TRAM1: variants seen among roughly 807,000 people sequenced by gnomAD.
TRAM1 encodes translocating chain-associated membrane protein 1.
TRAM1 carries 17 observed loss-of-function variants against 48.7 expected under a neutral mutation model. That is an observed-to-expected ratio of 0.35 (90% CI 0.24 to 0.52). The LOEUF is 0.52. Ranked by LOEUF, TRAM1 falls within the 20% of genes least tolerant of loss-of-function variation. TRAM1 has a pLI of 0.94. For synonymous variants in TRAM1, 182 were observed against 154.0 expected, an observed-to-expected ratio of 1.18 and a Z score of -1.34; for missense variants, 351 against 441.5, an observed-to-expected ratio of 0.79 and a Z score of 1.84.
intron 6 of TRAM1, 74 bp from the exon 7 acceptor site, chr8:70,587,250 G>A: frequency 6.9e-7 from 1 of 1,453,734 alleles, no homozygotes; most frequent in Non-Finnish European, 9.5e-7. Flanking sequence ...GTGTGGTCTT[G>A]CTATGTTGCC....
At chr8:70,576,614 G>A (rs769568887) in intron 10 of TRAM1, among the ~76,000 whole-genome samples, 1 of 152,020 alleles carries the variant, frequency 6.6e-6, no homozygotes, top group Admixed American at 6.6e-5. Flanking sequence ...CTGTTATCCC[G>A]GCTGGAGTCC....
At chr8:70,577,562 C>T (rs1445343489) in intron 10 of TRAM1, among the ~76,000 whole-genome samples, 1 of 152,238 alleles carries the variant, frequency 6.6e-6, no homozygotes, top group African/African-American at 2.4e-5. Context: ...TGAACCTCCT[C>T]TCTGCCTTGC....
intron 10 of TRAM1, 39 bp from the exon 11 acceptor site, chr8:70,575,044 A>T (rs978362013): frequency 7.1e-7 from 1 of 1,414,834 alleles, no homozygotes; most frequent in African/African-American, 1.4e-5. Flanking sequence ...CTCTTTTATA[A>T]ATAAATGCAA....
Position 70,608,202 on chromosome 8 carries a change from T to C in TRAM1, c.-3A>G, listed in dbSNP as rs1282739699. On this transcript the variant is annotated 5_prime_UTR_variant, in exon 1 of 11. Coordinates refer to ENST00000262213, the MANE Select transcript of TRAM1 (RefSeq NM_014294.6). ...GTGCTTTTCTTGCGAATCGCCATGG[T>C]GGGGCCGCCGCCCGCGCCTGCAGGT... 3 of 1,586,614 alleles carry C rather than the reference T, an allele frequency of 1.9e-6. No individual in the cohort carries two copies. In the African/African-American group the frequency reaches 4.2e-5, roughly 22 times the overall value.
chr8:70,603,333 C>A (rs962386394), intron 1 of TRAM1, among the ~76,000 whole-genome samples: 4 of 147,592 alleles, frequency 2.7e-5, no homozygotes, highest in Non-Finnish European at 4.5e-5. Context: ...CACACACACA[C>A]AATCTGTTTT....
intron 8 of TRAM1, among the ~76,000 whole-genome samples, chr8:70,586,337 G>T (rs1449526241): frequency 1.3e-5 from 2 of 150,320 alleles, no homozygotes; most frequent in African/African-American, 2.5e-5. Context: ...ACGAGTTAAT[G>T]GGTGCAGCAC....
intron 1 of TRAM1, 93 bp from the exon 2 acceptor site, chr8:70,600,175 T>G: frequency 3.0e-6 from 3 of 996,872 alleles, no homozygotes; most frequent in Non-Finnish European, 4.6e-6. Context: ...TGTCCCTAAA[T>G]CGAAGCACCA....
At chr8:70,584,578 A>G (rs200158008) in intron 8 of TRAM1, among the ~76,000 whole-genome samples, 17 of 152,214 alleles carry the variant, frequency 1.1e-4, no homozygotes, top group African/African-American at 3.1e-4. Context: ...AAGCAACTTC[A>G]GCAAAGTCTC....
chr8:70,600,722 A>G (rs1817590604), intron 1 of TRAM1, among the ~76,000 whole-genome samples: 1 of 152,218 alleles, frequency 6.6e-6, no homozygotes, highest in African/African-American at 2.4e-5. Flanking sequence ...CAGGTAAATA[A>G]ACTGTTATAA....
At chr8:70,607,996 G>C in intron 1 of TRAM1, 81 bp downstream of exon 1, 4 of 1,447,718 alleles carry the variant, frequency 2.8e-6, no homozygotes, top group Non-Finnish European at 3.6e-6. Context: ...GTCCTGGGCG[G>C]AGAAGCCGGG....
At chr8:70,588,494 G>C (rs1817276371) in intron 6 of TRAM1, among the ~76,000 whole-genome samples, 1 of 152,142 alleles carries the variant, frequency 6.6e-6, no homozygotes, top group African/African-American at 2.4e-5. Context: ...GGAAGCTGAG[G>C]CAGAAAGATT....
At position 70,600,449 on chromosome 8, in the gene TRAM1, G is replaced by C. The variant is rs541723662; in HGVS notation, c.124-367C>G. Among the ~76,000 whole-genome samples the C allele has an allele frequency of 1.9e-3, 296 of 152,296 alleles. 2 individuals are homozygous for C. The highest frequency in any genetic ancestry group is 6.5e-3 in the African/African-American group (270 of 41,550). ...CAAGTGTAAATTAATAAAATAAAGAGAAGCACAGTTAGCATGAGAAAAGCA... is the reference window on the plus strand; with the variant it reads ...CAAGTGTAAATTAATAAAATAAAGACAAGCACAGTTAGCATGAGAAAAGCA... On this transcript the variant is annotated intron_variant, in intron 1 of 10. Transcript: ENST00000262213.
chr8:70,596,214 G>A (rs759801239), intron 5 of TRAM1, 49 bp downstream of exon 5: 11 of 1,423,240 alleles, frequency 7.7e-6, no homozygotes, highest in Non-Finnish European at 1.0e-5. Flanking sequence ...GATTAATAGT[G>A]ACATGACCAT....
In TRAM1 at chr8:70,573,415, CAAT is replaced by C. The variant is rs1163898750; in HGVS notation, c.*1514_*1516del. 2.0e-5 allele frequency: 3 copies of C among 152,708 alleles called. No homozygotes were observed. The highest frequency in any genetic ancestry group is 6.5e-5 in the Admixed American group (1 of 15,300). The allele number at this position is 152,708 out of a possible 1,614,324, so 9.5% of individuals were successfully genotyped here. On this transcript the variant is annotated 3_prime_UTR_variant, in exon 11 of 11. Transcript: ENST00000262213. ...TATACCAAAATAGCCTAAACACCAA[CAAT>C]GACAGAAACATCCAGGATACAACTT...
chr8:70,608,052 C>A (rs772849648), intron 1 of TRAM1, 25 bp downstream of exon 1: 5 of 1,570,662 alleles, frequency 3.2e-6, no homozygotes, highest in Non-Finnish European at 4.3e-6. Flanking sequence ...GCGGGGCAGG[C>A]GGTTGGGACT....
At chr8:70,607,821 G>A in intron 1 of TRAM1, 1 of 311,626 alleles carries the variant, frequency 3.2e-6, no homozygotes, top group East Asian at 5.3e-5. Flanking sequence ...TCAGGAAGGG[G>A]GCGACGCGGC....
chr8:70,582,276 A>T (rs1429958351), intron 10 of TRAM1, among the ~76,000 whole-genome samples: 1 of 151,254 alleles, frequency 6.6e-6, no homozygotes, highest in Non-Finnish European at 1.5e-5. Context: ...GTGGAAATTG[A>T]CCAGGTTGTA....
chr8:70,589,970 T>A (rs1378960355), intron 6 of TRAM1, among the ~76,000 whole-genome samples: 3 of 152,184 alleles, frequency 2.0e-5, no homozygotes, highest in African/African-American at 7.2e-5. Flanking sequence ...GGCACATAAA[T>A]GACTAGGTAT....
At position 70,595,254 on chromosome 8, in the gene TRAM1, C is replaced by T. The variant is rs1352373303; in HGVS notation, c.486-664G>A. Among the ~76,000 whole-genome samples the T allele has an allele frequency of 2.6e-5, 4 of 151,906 alleles. No homozygotes were observed. The East Asian group carries it at 7.8e-4, about 30-fold the overall frequency. ...CTGCTTCCTCTTTATTCTCCCTGCT[C>T]CTTCTCCTCCAGAAGTCTAAAATAG... On this transcript the variant is annotated intron_variant, in intron 5 of 10. Coordinates refer to ENST00000262213, the MANE Select transcript of TRAM1 (RefSeq NM_014294.6).
Sources: allele counts gnomAD v4.1 joint callset (sites outside exome capture counted in the v4.1 genomes callset), GRCh38; gene constraint gnomAD v4.1.1; transcripts MANE v1.5; gene names NCBI Gene and HGNC (gene_info 2026-07-23, HGNC 2026-07-21).